The following OCRL variants were observed in gnomAD, a reference collection of about 807,000 sequenced individuals.
OCRL encodes the protein inositol polyphosphate 5-phosphatase OCRL.
A neutral mutation model predicts 78.9 loss-of-function variants in OCRL; 8 were observed. The observed-to-expected ratio is 0.10, with a 90% CI of 0.06 to 0.18. The LOEUF is 0.18. OCRL is among the 10% of genes least tolerant of loss of function. The probability of loss-of-function intolerance (pLI) is 1.00; values close to 1 mark genes in which losing one functional copy is unlikely to be tolerated. For missense variants in OCRL, 454 were observed against 696.7 expected (o/e 0.65, Z 3.92); for synonymous variants, 240 against 235.4 (o/e 1.02, Z -0.18).
At chrX:129,567,902 CT>C (rs56035022) in intron 14 of OCRL, among the ~76,000 whole-genome samples, 542 of 91,371 alleles carry the variant, frequency 5.9e-3, no homozygotes, top group Non-Finnish European at 8.2e-3. Flanking sequence ...TTAGTAGACC[CT>C]TTTTTTTTTT....
At chrX:129,572,224 G>C (rs143968532) in intron 15 of OCRL, among the ~76,000 whole-genome samples, 1 of 111,468 alleles carries the variant, frequency 9.0e-6, no homozygotes, top group Admixed American at 9.4e-5. Context: ...TATCATAAAC[G>C]GTCTTATATG....
intron 18 of OCRL, among the ~76,000 whole-genome samples, chrX:129,580,803 T>G (rs181502104): frequency 8.9e-5 from 10 of 112,650 alleles, no homozygotes; most frequent in Admixed American, 5.6e-4. Flanking sequence ...TGGCTTGTAT[T>G]TCTTCTCTAT....
intron 12 of OCRL, among the ~76,000 whole-genome samples, chrX:129,564,637 T>C (rs1255803966): frequency 9.2e-6 from 1 of 108,662 alleles, no homozygotes; most frequent in Non-Finnish European, 1.9e-5. Context: ...AACCAAACAC[T>C]GCATGTTCTC....
chrX:129,553,003 G>C (rs763259065), intron 4 of OCRL, among the ~76,000 whole-genome samples: 1 of 112,437 alleles, frequency 8.9e-6, no homozygotes, highest in South Asian at 3.7e-4. Flanking sequence ...GCACGGTTTA[G>C]AGCATGCCCA....
At chrX:129,559,045 A>G (rs1267178660) in intron 8 of OCRL, 44 bp downstream of exon 8, 7 of 1,113,198 alleles carry the variant, frequency 6.3e-6, no homozygotes, top group South Asian at 1.9e-5. Flanking sequence ...GTTAGTATAT[A>G]TAACAGACAG....
At chrX:129,562,329 A>C in intron 10 of OCRL, 55 bp from the exon 11 acceptor site, 1 of 907,919 alleles carries the variant, frequency 1.1e-6, no homozygotes, top group Non-Finnish European at 1.6e-6. Flanking sequence ...GACATTAGAA[A>C]TGTGGCAAAG....
At chrX:129,589,293 C>T (rs1936557414) in intron 22 of OCRL, 6 of 337,826 alleles carry the variant, frequency 1.8e-5, no homozygotes, top group East Asian at 5.8e-5. Flanking sequence ...GCTGATTGTA[C>T]GTGGAATTCT....
chrX:129,576,686 T>G (rs774067378), intron 18 of OCRL, 134 bp downstream of exon 18: 1 of 523,913 alleles, frequency 1.9e-6, no homozygotes. Flanking sequence ...AGAATGTTAC[T>G]TTAGCACTGT....
chrX:129,567,436 G>A (rs1185198768), intron 14 of OCRL, 73 bp downstream of exon 14: 4 of 750,775 alleles, frequency 5.3e-6, no homozygotes, highest in East Asian at 3.3e-5. Flanking sequence ...TATTGGTAAG[G>A]GGCTAGGAAT....
intron 2 of OCRL, among the ~76,000 whole-genome samples, chrX:129,544,251 C>T (rs1163591360): frequency 2.7e-5 from 3 of 111,153 alleles, no homozygotes; most frequent in African/African-American, 9.8e-5. Context: ...TTCAGGAGTA[C>T]GTATGGATTT....
At chrX:129,571,363 G>GTTTT (rs1301308479) in intron 15 of OCRL, among the ~76,000 whole-genome samples, 7 of 80,517 alleles carry the variant, frequency 8.7e-5, no homozygotes, top group African/African-American at 1.9e-4. Flanking sequence ...TTGTTTTTTG[G>GTTTT]TTTTTTTTTT....
intron 3 of OCRL, among the ~76,000 whole-genome samples, chrX:129,547,407 C>T (rs1003875229): frequency 1.4e-4 from 15 of 108,062 alleles, no homozygotes; most frequent in African/African-American, 4.4e-4. Context: ...TGCCTGTAGT[C>T]CCAACTACTC....
chrX:129,543,084 G>A (rs1039375669), intron 2 of OCRL, among the ~76,000 whole-genome samples: 1 of 111,853 alleles, frequency 8.9e-6, no homozygotes, highest in African/African-American at 3.2e-5. Flanking sequence ...CTAGGGATAA[G>A]GCAGAGTTGG....
At position 129,587,106 on chromosome X, in the gene OCRL, C is replaced by T. The variant is rs781297236; in HGVS notation, c.2244C>T (p.Tyr748=). ...TTCTAGTAGATCACCTATTCAAATA[C>T]GCCTGTCACCAGGTAAGTGAGAGTA... ...IWLLVDHLFK[Y]ACHQEDLFQT... The change falls in exon 20 of 24, where the codon TAC becomes TAT. Residue 748 remains tyrosine (Y), a synonymous_variant. Coordinates refer to ENST00000371113, the MANE Select transcript of OCRL (RefSeq NM_000276.4). The T allele has an allele frequency of 1.5e-5, 17 of 1,167,020 alleles. No homozygotes were observed. Among genetic ancestry groups the T allele is most frequent in the Middle Eastern group, 2.3e-4 (1 of 4,261 alleles).
intron 18 of OCRL, among the ~76,000 whole-genome samples, chrX:129,584,042 C>T (rs1175111669): frequency 9.0e-6 from 1 of 111,522 alleles, no homozygotes; most frequent in Admixed American, 9.5e-5. Flanking sequence ...CAGGAAGAGA[C>T]ATCAGGGGCA....
At chrX:129,586,749 C>T (rs1287698082) in intron 19 of OCRL, 2 of 479,653 alleles carry the variant, frequency 4.2e-6, no homozygotes, top group Non-Finnish European at 7.7e-6. Context: ...AAGGCATCCA[C>T]GTAATAAACA....
At chrX:129,575,029 C>T (rs1170190607) in intron 15 of OCRL, 111 bp from the exon 16 acceptor site, 8 of 557,911 alleles carry the variant, frequency 1.4e-5, no homozygotes, top group Non-Finnish European at 2.5e-5. Flanking sequence ...GTTTGCACCA[C>T]AGTTTATTTT....
intron 18 of OCRL, among the ~76,000 whole-genome samples, chrX:129,581,863 C>A (rs771675887): frequency 4.3e-5 from 4 of 93,080 alleles, no homozygotes; most frequent in African/African-American, 1.8e-4. Context: ...CTCTCTCTCT[C>A]TCTGTCTCTG....
chrX:129,556,855 G>A (rs2072837), intron 4 of OCRL, among the ~76,000 whole-genome samples: 23,905 of 111,334 alleles, frequency 0.21, 4,470 homozygotes, highest in East Asian at 0.74. Context: ...TTTAATCTGT[G>A]CTTACGGACA....
Sources: gnomAD v4.1 joint callset for allele counts (sites outside exome capture counted in the v4.1 genomes callset) on GRCh38, gnomAD v4.1.1 for gene constraint, MANE v1.5 for transcripts, NCBI Gene and HGNC (gene_info 2026-07-23, HGNC 2026-07-21) for gene names.